NBPF3: variants seen among roughly 807,000 people sequenced by gnomAD.
The protein encoded by NBPF3 is NBPF member 3, also known as NBPF family member NBPF3.
In NBPF3, 57 loss-of-function variants were observed where a neutral mutation model predicts 78.1. The observed-to-expected ratio is 0.73, with a 90% confidence interval of 0.59 to 0.91. NBPF3 has a LOEUF of 0.91. NBPF3 is among the 40% of genes least tolerant of loss of function. NBPF3 has a pLI of 0.00. For synonymous variants in NBPF3, 182 were observed against 271.7 expected (o/e 0.67, Z 3.25); for missense variants, 510 against 715.3 (o/e 0.71, Z 3.27).
In NBPF3 at chr1:21,478,120, T is replaced by C. The variant is rs749401838; in HGVS notation, c.993-24T>C. 3.1e-6 allele frequency: 5 copies of C among 1,613,554 alleles called. No individual in the cohort carries two copies. The Admixed American group carries it at 6.7e-5, about 22-fold the overall frequency. ...TCTCTGTTGGTTATATCTTCTGTCA[T>C]CCCTGTCCTGCCTGGCTCATCAGGA... On this transcript the variant is annotated intron_variant, in intron 8 of 14. Coordinates refer to ENST00000318249, the MANE Select transcript of NBPF3 (RefSeq NM_032264.6).
intron 8 of NBPF3, among the ~76,000 whole-genome samples, chr1:21,477,397 C>T (rs113266508): frequency 0.01 from 1,566 of 152,272 alleles, 24 homozygotes; most frequent in African/African-American, 0.036. Flanking sequence ...CCAGTTTGTC[C>T]ACATCTTCGT....
rs1375276169 is a variant in NBPF3 at position 21,474,958 on chromosome 1, C to G, written c.992+7C>G. Reference sequence around the variant, plus strand: ...AAGGGCCAGTGTCTCCCAGGTAATGCCATGGAATTGTGGGCTGTTAATTCA... The same window carrying G: ...AAGGGCCAGTGTCTCCCAGGTAATGGCATGGAATTGTGGGCTGTTAATTCA... On this transcript the variant is annotated splice_region_variant and intron_variant, in intron 8 of 14. Coordinates refer to ENST00000318249, the MANE Select transcript of NBPF3 (RefSeq NM_032264.6). The G allele has an allele frequency of 5.6e-6, 9 of 1,600,764 alleles. No individual in the cohort carries two copies. Among genetic ancestry groups the G allele is most frequent in the Non-Finnish European group, 7.7e-6 (9 of 1,170,944 alleles).
At chr1:21,478,977 C>A (rs1446194079) in intron 9 of NBPF3, among the ~76,000 whole-genome samples, 1 of 152,236 alleles carries the variant, frequency 6.6e-6, no homozygotes, top group African/African-American at 2.4e-5. Flanking sequence ...TGTCCACAAT[C>A]TCATAAACTA....
rs141084838 is a variant in NBPF3, at chr1:21,445,158, C to G, written c.72C>G (p.Phe24Leu). The change falls in exon 2 of 15, where the codon TTC becomes TTG. Residue 24 changes from phenylalanine (F) to leucine (L), a missense_variant. Around this residue, in one of 5 missense-constraint regions of NBPF3, gnomAD observed 440 missense variants for 478.2 expected, o/e 0.92. Coordinates refer to ENST00000318249, the MANE Select transcript of NBPF3 (RefSeq NM_032264.6). ...GCCCTGATGTAGAAACTTCCCCATT[C>G]GGTGCACCAAGAGCAGCCTCACATG... ...LRGPDVETSP[F>L]GAPRAASHGV... 6 of 1,611,818 alleles carry G rather than the reference C, an allele frequency of 3.7e-6. No homozygotes were observed. The highest frequency in any genetic ancestry group is 2.2e-5 in the South Asian group (2 of 90,982).
In NBPF3 at chr1:21,484,734, G is replaced by A. The variant is rs1475524236; in HGVS notation, c.*1348G>A. 21 of 64,314 alleles carry A rather than the reference G, an allele frequency of 3.3e-4. 5 individuals are homozygous for A. The highest frequency in any genetic ancestry group is 7.7e-4 in the African/African-American group (19 of 24,680). 4.0% of individuals were successfully genotyped at this position (64,314 alleles called of 1,614,324 possible). ...TCATTTATTAATCATCCCTGCCTGT[G>A]TCTATTATTATATTCATATCTCTAC... is the stretch of plus-strand genomic sequence containing the variant. On this transcript the variant is annotated 3_prime_UTR_variant, in exon 15 of 15. Coordinates refer to ENST00000318249, the MANE Select transcript of NBPF3 (RefSeq NM_032264.6).
chr1:21,468,385 G>A (rs1333262683), intron 2 of NBPF3: 35 of 1,287,686 alleles, frequency 2.7e-5, no homozygotes, highest in Non-Finnish European at 3.3e-5. Context: ...TTGGAATGCA[G>A]GGCTCCTAAG....
rs1482249413 is a variant in NBPF3, at chr1:21,476,192, G to A, written c.992+1241G>A. 3.3e-5 allele frequency among the ~76,000 whole-genome samples: 5 copies of A among 151,992 alleles called. No homozygotes were observed. The highest frequency in any genetic ancestry group is 4.8e-5 in the African/African-American group (2 of 41,374). ...TCTGCACGTGAGATGGGTCTCCTGC[G>A]TACAGCACACTGATGGGTCTTGACT... On this transcript the variant is annotated intron_variant, in intron 8 of 14. Transcript: ENST00000318249. This position sits in a 1 kb window ranked among gnomAD's most constrained non-coding sequence, Gnocchi z 4.1.
At chr1:21,454,612 T>C (rs1449531117) in intron 2 of NBPF3, among the ~76,000 whole-genome samples, 11 of 152,158 alleles carry the variant, frequency 7.2e-5, no homozygotes, top group African/African-American at 2.7e-4. Flanking sequence ...TTGAACGTAG[T>C]ACCAATATTT....
At chr1:21,466,163 G>A (rs950556440) in intron 2 of NBPF3, 20 of 983,546 alleles carry the variant, frequency 2.0e-5, no homozygotes, top group Non-Finnish European at 2.3e-5. Flanking sequence ...GAGGGTAAGT[G>A]CAGGGGCAAG....
intron 5 of NBPF3, among the ~76,000 whole-genome samples, chr1:21,472,035 C>T (rs185123177): frequency 3.1e-4 from 47 of 152,224 alleles, no homozygotes; most frequent in African/African-American, 5.5e-4. Context: ...AGAAGCTGCA[C>T]GTTTCTAGTT....
intron 2 of NBPF3, among the ~76,000 whole-genome samples, chr1:21,447,280 TA>T (rs1641043124): frequency 6.6e-6 from 1 of 152,184 alleles, no homozygotes; most frequent in African/African-American, 2.4e-5. Context: ...CTAAAGTCCA[TA>T]GTTTACATTA....
chr1:21,436,854 G>A, upstream of NBPF3: 1 of 802,268 alleles, frequency 1.2e-6, no homozygotes, highest in Non-Finnish European at 1.7e-6. The surrounding 1 kb of genome is among the most constrained non-coding windows in gnomAD (Gnocchi z 4.3). Context: ...GAGGCCCGGG[G>A]GGAGGGGCTC....
chr1:21,456,067 A>C (rs568301821), intron 2 of NBPF3, among the ~76,000 whole-genome samples: 2 of 152,306 alleles, frequency 1.3e-5, no homozygotes, highest in South Asian at 2.1e-4. Flanking sequence ...CAAAATCCAC[A>C]AAGGGGTGGA....
chr1:21,482,279 A>T (rs1167254381), intron 13 of NBPF3, among the ~76,000 whole-genome samples: 1 of 135,902 alleles, frequency 7.4e-6, no homozygotes, highest in African/African-American at 2.9e-5. Context: ...CTACCAGAAT[A>T]GGGACATTTT....
chr1:21,474,854 A>C (rs745672143), intron 7 of NBPF3, 46 bp from the exon 8 acceptor site: 62 of 1,529,188 alleles, frequency 4.1e-5, no homozygotes, highest in Admixed American at 1.5e-4. Context: ...TCATATGTGG[A>C]GTGTGAATTG....
intron 6 of NBPF3, 41 bp downstream of exon 6, chr1:21,472,956 T>C (rs1642683762): frequency 7.5e-6 from 11 of 1,457,162 alleles, no homozygotes; most frequent in South Asian, 1.1e-5. Flanking sequence ...GGTGGTAACA[T>C]ATGAAAAAGG....
chr1:21,454,565 G>T lies in NBPF3; in HGVS notation c.133+9346G>T, dbSNP rs368879295. Among the ~76,000 whole-genome samples, 32 of 152,254 alleles carry T rather than the reference G, an allele frequency of 2.1e-4. No homozygotes were observed. The East Asian group carries it at 4.8e-3, about 23-fold the overall frequency. On this transcript the variant is annotated intron_variant, in intron 2 of 14. Coordinates refer to ENST00000318249, the MANE Select transcript of NBPF3 (RefSeq NM_032264.6). The stretch of plus-strand genomic sequence containing the variant: ...GTGACCCCAAATTCAGGGTGTTCTT[G>T]TCTACTCTCAAGAATGCAATATCTT...
chr1:21,437,501 C>G, upstream of NBPF3: 2 of 1,455,620 alleles, frequency 1.4e-6, no homozygotes, highest in South Asian at 2.5e-5. Context: ...CGAGGTGCAG[C>G]GGCTGCGGAG....
intron 9 of NBPF3, among the ~76,000 whole-genome samples, chr1:21,478,645 G>A (rs558701459): frequency 6.6e-5 from 10 of 152,328 alleles, no homozygotes; most frequent in South Asian, 2.1e-4. Context: ...TGAGTTAAAC[G>A]TCTCTTGCCA....
Sources: allele counts gnomAD v4.1 joint callset (sites outside exome capture counted in the v4.1 genomes callset), GRCh38; gene constraint gnomAD v4.1.1; regional missense constraint gnomAD v4.1.1; non-coding constraint Gnocchi (gnomAD v3.1); transcripts MANE v1.5; gene names NCBI Gene and HGNC (gene_info 2026-07-23, HGNC 2026-07-21).